LNX2: variants seen among roughly 807,000 people sequenced by gnomAD.
LNX2 encodes the protein ligand of numb-protein X 2.
A neutral mutation model predicts 66.2 loss-of-function variants in LNX2; 35 were observed. The ratio of observed to expected loss-of-function variants is 0.53; its 90% confidence interval spans 0.40 to 0.70. The LOEUF (loss-of-function observed/expected upper bound fraction) is 0.70. Among genes scored for constraint, LNX2 ranks in the 30% least tolerant of loss-of-function variants. The pLI, the probability that LNX2 is intolerant of heterozygous loss-of-function variation, is 0.00. For synonymous variants in LNX2, 337 were observed against 315.6 expected (o/e 1.07, Z -0.72); for missense variants, 791 against 850.8 (o/e 0.93, Z 0.87).
At chr13:27,560,565 G>GCGTATATATATATA (rs1242930383) in intron 5 of LNX2, among the ~76,000 whole-genome samples, 1 of 119,970 alleles carries the variant, frequency 8.3e-6, no homozygotes, top group Non-Finnish European at 1.7e-5. Flanking sequence ...ATGTATGTGT[G>GCGTATATATATATA]TATATATATA....
Position 27,596,218 on chromosome 13 carries a change from AAGTT to A in LNX2, c.-100-14419_-100-14416del, listed in dbSNP as rs899074611. Among the ~76,000 whole-genome samples, 22 of 152,306 alleles carry A rather than the reference AAGTT, an allele frequency of 1.4e-4. 1 individual carries two copies. Among genetic ancestry groups the A allele is most frequent in the East Asian group, 5.8e-4 (3 of 5,186 alleles). ...TAGAGATACTGAAAAAATTAAGAAA[AAGTT>A]AGGTATGTCAAGAATGCATAAAATA... is the stretch of plus-strand genomic sequence containing the variant. On this transcript the variant is annotated intron_variant, in intron 1 of 9. Coordinates refer to ENST00000316334, the MANE Select transcript of LNX2 (RefSeq NM_153371.4).
At chr13:27,598,317 C>T (rs1593260755) in intron 1 of LNX2, among the ~76,000 whole-genome samples, 1 of 151,992 alleles carries the variant, frequency 6.6e-6, no homozygotes, top group South Asian at 2.1e-4. Context: ...GAGATGTAGG[C>T]CACTAAAATT....
At chr13:27,597,648 G>T (rs902960173) in intron 1 of LNX2, among the ~76,000 whole-genome samples, 3 of 151,966 alleles carry the variant, frequency 2.0e-5, no homozygotes, top group Non-Finnish European at 4.4e-5. Flanking sequence ...AATGAAGGGG[G>T]GTAAAACAAA....
At position 27,569,090 on chromosome 13, in the gene LNX2, G is replaced by A. The variant is rs761472368; in HGVS notation, c.594C>T (p.Ser198=). 8 of 1,613,612 alleles carry A rather than the reference G, an allele frequency of 5.0e-6. No homozygotes were observed. The highest frequency in any genetic ancestry group is 1.3e-5 in the African/African-American group (1 of 74,858). ...CAAGGCCAGGCTCCTCACTCCATGT[G>A]GAAAGAGACGCTGATGTCAAGTGCC... ...VERHLTSASL[S]TWSEEPGLDN... Residue 198 remains serine, a synonymous_variant, in exon 3 of 10, where the codon TCC becomes TCT. Coordinates refer to ENST00000316334, the MANE Select transcript of LNX2 (RefSeq NM_153371.4).
At chr13:27,613,451 G>A (rs752477963) in intron 1 of LNX2, among the ~76,000 whole-genome samples, 8 of 152,136 alleles carry the variant, frequency 5.3e-5, no homozygotes, top group Non-Finnish European at 1.2e-4. Context: ...TTAGGGAAAC[G>A]ACAAGATGCC....
intron 4 of LNX2, among the ~76,000 whole-genome samples, chr13:27,564,924 A>C (rs571315185): frequency 6.6e-6 from 1 of 152,224 alleles, no homozygotes; most frequent in Non-Finnish European, 1.5e-5. Context: ...ACTTGGCTCC[A>C]ACACACCAGT....
chr13:27,598,985 T>A (rs1022551039), intron 1 of LNX2, among the ~76,000 whole-genome samples: 12 of 152,104 alleles, frequency 7.9e-5, no homozygotes, highest in Non-Finnish European at 1.5e-4. Flanking sequence ...TCACAAAAAA[T>A]TTTCCACAAT....
At chr13:27,553,534 C>T (rs1955028525) in intron 7 of LNX2, 95 bp from the exon 8 acceptor site, 1 of 828,742 alleles carries the variant, frequency 1.2e-6, no homozygotes, top group Admixed American at 2.0e-5. Context: ...AAGTTAGTTC[C>T]CCCAACTCTG....
rs754556388 is a variant in LNX2 at position 27,581,661 on chromosome 13, A to T, written c.43T>A (p.Ser15Thr). 1.2e-6 allele frequency: 2 copies of T among 1,613,334 alleles called. No homozygotes were observed. The highest frequency in any genetic ancestry group is 1.7e-6 in the Non-Finnish European group (2 of 1,179,706). Residue 15 changes from serine to threonine, a missense_variant, in exon 2 of 10, where the codon TCC becomes ACC. Transcript: ENST00000316334. ...CACAGGGGGTTTAGAGAAGAGGAGGAGGTCTGTTCCACAGACACCATCTCA... is the reference window on the plus strand; with the variant it reads ...CACAGGGGGTTTAGAGAAGAGGAGGTGGTCTGTTCCACAGACACCATCTCA... ...SDEMVSVEQTSSSSLNPLCFE... is the reference protein window; with the variant it reads ...SDEMVSVEQTTSSSLNPLCFE...
chr13:27,591,251 T>C (rs747729912), intron 1 of LNX2, among the ~76,000 whole-genome samples: 1 of 152,328 alleles, frequency 6.6e-6, no homozygotes, highest in African/African-American at 2.4e-5. Context: ...AGAAAATACA[T>C]TGTAATTCAT....
intron 1 of LNX2, among the ~76,000 whole-genome samples, chr13:27,594,003 G>A (rs1192831165): frequency 6.6e-6 from 1 of 151,814 alleles, no homozygotes; most frequent in Non-Finnish European, 1.5e-5. Flanking sequence ...TCAAACTGTT[G>A]GACCAAAGTG....
intron 1 of LNX2, among the ~76,000 whole-genome samples, chr13:27,598,994 A>G (rs1446521940): frequency 6.6e-6 from 1 of 152,130 alleles, no homozygotes; most frequent in Admixed American, 6.5e-5. Context: ...ATTTTCCACA[A>G]TTCTGTATTT....
At chr13:27,558,044 A>T (rs950466758) in intron 6 of LNX2, among the ~76,000 whole-genome samples, 1 of 152,088 alleles carries the variant, frequency 6.6e-6, no homozygotes, top group Non-Finnish European at 1.5e-5. Flanking sequence ...AACTTCAAAG[A>T]TTATACTCAG....
At chr13:27,555,108 C>A (rs981423048) in intron 7 of LNX2, among the ~76,000 whole-genome samples, 3 of 152,144 alleles carry the variant, frequency 2.0e-5, no homozygotes, top group African/African-American at 7.2e-5. Flanking sequence ...ACCACCACAG[C>A]TAGCTAATTT....
chr13:27,566,196 T>C (rs927196621), intron 4 of LNX2, among the ~76,000 whole-genome samples: 3 of 152,098 alleles, frequency 2.0e-5, no homozygotes, highest in Non-Finnish European at 2.9e-5. Flanking sequence ...TAATAACTAA[T>C]GTAGGAGGAA....
intron 9 of LNX2, 57 bp downstream of exon 9, chr13:27,550,276 T>C (rs898998396): frequency 5.9e-6 from 9 of 1,512,794 alleles, no homozygotes; most frequent in Non-Finnish European, 8.2e-6. Context: ...ACCCCTGGTC[T>C]AGATCATGTC....
In LNX2 at chr13:27,553,444, T is replaced by A. The variant is rs1258959724; in HGVS notation, c.1547-5A>T. On this transcript the variant is annotated splice_polypyrimidine_tract_variant and splice_region_variant and intron_variant, in intron 7 of 9. Coordinates refer to ENST00000316334, the MANE Select transcript of LNX2 (RefSeq NM_153371.4). Reference sequence around the variant, plus strand: ...TGATATTTAGCAACACATCACCTGTTCAGATGAAGAAACAAGAAAAATGAG... The same window carrying A: ...TGATATTTAGCAACACATCACCTGTACAGATGAAGAAACAAGAAAAATGAG... The A allele has an allele frequency of 6.2e-7, 1 of 1,608,148 alleles. No homozygotes were observed. The highest frequency in any genetic ancestry group is 8.5e-7 in the Non-Finnish European group (1 of 1,174,758).
intron 7 of LNX2, among the ~76,000 whole-genome samples, chr13:27,555,275 CCATTT>C (rs1351649507): frequency 6.6e-6 from 1 of 152,172 alleles, no homozygotes; most frequent in Admixed American, 6.5e-5. Flanking sequence ...GGAAAACTGG[CCATTT>C]ATTTATCTTC....
chr13:27,614,001 T>C (rs1443242264), intron 1 of LNX2, among the ~76,000 whole-genome samples: 1 of 152,174 alleles, frequency 6.6e-6, no homozygotes, highest in Non-Finnish European at 1.5e-5. Flanking sequence ...TTTGCAAAAA[T>C]TATATCAGTG....
Sources: gnomAD v4.1 joint callset for allele counts (sites outside exome capture counted in the v4.1 genomes callset) on GRCh38, gnomAD v4.1.1 for gene constraint, MANE v1.5 for transcripts, NCBI Gene and HGNC (gene_info 2026-07-23, HGNC 2026-07-21) for gene names.